Variants in MYO6 observed in about 807,000 individuals in gnomAD.
The protein encoded by MYO6 is myosin VI, also known as unconventional myosin-VI.
In MYO6, 74 loss-of-function variants were observed where a neutral mutation model predicts 178.7. The ratio of observed to expected loss-of-function variants is 0.41; its 90% CI spans 0.34 to 0.50. MYO6 has a LOEUF of 0.50. Among genes scored for constraint, MYO6 ranks in the 20% least tolerant of loss-of-function variants. MYO6 has a pLI of 0.09. For missense variants in MYO6, 1,330 were observed against 1,547.4 expected (o/e 0.86, Z 2.36); for synonymous variants, 477 against 504.6 (o/e 0.95, Z 0.73).
At chr6:75,798,742 C>T (rs922120846) in intron 1 of MYO6, among the ~76,000 whole-genome samples, 2 of 151,738 alleles carry the variant, frequency 1.3e-5, no homozygotes, top group Non-Finnish European at 2.9e-5. Flanking sequence ...CACTCTTATT[C>T]TGGAAGTCCT....
intron 1 of MYO6, among the ~76,000 whole-genome samples, chr6:75,754,017 G>A (rs1777127845): frequency 6.6e-6 from 1 of 152,136 alleles, no homozygotes; most frequent in Non-Finnish European, 1.5e-5. Flanking sequence ...AAGAAATCTG[G>A]CATCTTTAGA....
intron 1 of MYO6, among the ~76,000 whole-genome samples, chr6:75,757,456 CAG>C (rs2149973266): frequency 6.6e-6 from 1 of 151,014 alleles, no homozygotes; most frequent in South Asian, 2.1e-4. Context: ...TGACACATCA[CAG>C]AGGTGGGCGA....
chr6:75,777,444 T>C (rs573953764), intron 1 of MYO6, among the ~76,000 whole-genome samples: 9 of 152,086 alleles, frequency 5.9e-5, no homozygotes, highest in African/African-American at 1.9e-4. Flanking sequence ...TCTTTTTTTT[T>C]TGAAACAGGG....
intron 11 of MYO6, among the ~76,000 whole-genome samples, chr6:75,849,500 G>A (rs1170962368): frequency 3.3e-5 from 5 of 152,152 alleles, no homozygotes; most frequent in African/African-American, 1.2e-4. Context: ...GACTTTTAAA[G>A]TACAGCCAGT....
At chr6:75,898,248 A>G in intron 29 of MYO6, 125 bp from the exon 30 acceptor site, 1 of 623,568 alleles carries the variant, frequency 1.6e-6, no homozygotes, top group Non-Finnish European at 2.6e-6. Flanking sequence ...AACAAAGTAA[A>G]ACAGTTATGA....
chr6:75,848,127 G>A (rs905086907), intron 10 of MYO6, among the ~76,000 whole-genome samples: 12 of 151,814 alleles, frequency 7.9e-5, no homozygotes, highest in Non-Finnish European at 1.2e-4. Flanking sequence ...AAATTTTTAC[G>A]GATAAGTGTA....
At chr6:75,875,811 TCTC>T (rs963196436) in intron 20 of MYO6, among the ~76,000 whole-genome samples, 11 of 152,280 alleles carry the variant, frequency 7.2e-5, no homozygotes, top group Admixed American at 1.3e-4. Context: ...TCCTAAGTAT[TCTC>T]CTATCTCTTC....
intron 32 of MYO6, among the ~76,000 whole-genome samples, chr6:75,909,313 T>A (rs1348138598): frequency 6.6e-6 from 1 of 152,234 alleles, no homozygotes; most frequent in Non-Finnish European, 1.5e-5. Context: ...AGAATAGGGT[T>A]ATAGCCTGGA....
Position 75,841,204 on chromosome 6 carries a change from TG to T in MYO6, c.652-9del. The T allele has an allele frequency of 1.2e-6, 2 of 1,612,606 alleles. No individual in the cohort carries two copies. The highest frequency in any genetic ancestry group is 1.7e-6 in the Non-Finnish European group (2 of 1,179,026). On this transcript the variant is annotated splice_polypyrimidine_tract_variant and intron_variant, in intron 8 of 34. Coordinates refer to ENST00000369977, the MANE Select transcript of MYO6 (RefSeq NM_004999.4). ...GCAAAAATATATTTTCTCTGTGTTT[TG>T]TTTTTTAGAGCTCAGTTGTTGGAGG... is the stretch of plus-strand genomic sequence containing the variant.
intron 1 of MYO6, among the ~76,000 whole-genome samples, chr6:75,778,556 C>T (rs1206178179): frequency 2.0e-5 from 3 of 151,490 alleles, no homozygotes; most frequent in South Asian, 2.1e-4. Flanking sequence ...CAGTTAGTGC[C>T]GCTGCACTCC....
intron 1 of MYO6, among the ~76,000 whole-genome samples, chr6:75,796,454 A>C (rs1322823408): frequency 6.6e-6 from 1 of 151,940 alleles, no homozygotes; most frequent in Non-Finnish European, 1.5e-5. Context: ...TTTATTTTAG[A>C]TACAGGGGTA....
intron 33 of MYO6, among the ~76,000 whole-genome samples, chr6:75,912,173 G>T (rs992309437): frequency 6.6e-6 from 1 of 152,128 alleles, no homozygotes; most frequent in Non-Finnish European, 1.5e-5. Context: ...AATAGGAAGA[G>T]GAGATTATTC....
intron 1 of MYO6, among the ~76,000 whole-genome samples, chr6:75,799,341 G>A (rs1050758823): frequency 1.3e-5 from 2 of 150,166 alleles, no homozygotes; most frequent in Non-Finnish European, 3.0e-5. Flanking sequence ...AGTGATTCGC[G>A]ATCTTGCCAT....
rs1253928970 is a variant in MYO6, at chr6:75,787,675, A to AT, written c.-47-29824dup. Among the ~76,000 whole-genome samples the AT allele has an allele frequency of 4.5e-4, 31 of 68,610 alleles. 1 individual carries two copies. The highest frequency in any genetic ancestry group is 7.7e-4 in the Non-Finnish European group (28 of 36,148). 45.0% of individuals were successfully genotyped at this position (68,610 alleles called of 152,430 possible). A position where few individuals can be genotyped will look rare whatever the true frequency, so the allele number is the denominator to read the frequency against. Reference sequence around the variant, plus strand: ...TATATATATATGGGGGAATGGAACTATTCTCTCTCTCTCTCTCTCTCTCTC... The same window carrying AT: ...TATATATATATGGGGGAATGGAACTATTTCTCTCTCTCTCTCTCTCTCTCTC... On this transcript the variant is annotated intron_variant, in intron 1 of 34. Coordinates refer to ENST00000369977, the MANE Select transcript of MYO6 (RefSeq NM_004999.4).
At chr6:75,764,827 G>T (rs1054400791) in intron 1 of MYO6, among the ~76,000 whole-genome samples, 1 of 151,860 alleles carries the variant, frequency 6.6e-6, no homozygotes, top group African/African-American at 2.4e-5. Context: ...GTAAAACCCC[G>T]TCTCTACTAA....
intron 1 of MYO6, among the ~76,000 whole-genome samples, chr6:75,785,908 T>G (rs1767510904): frequency 6.6e-6 from 1 of 151,956 alleles, no homozygotes; most frequent in Non-Finnish European, 1.5e-5. Flanking sequence ...ATATATTTAT[T>G]TTTAAAATTA....
chr6:75,799,964 A>T (rs1769278877), intron 1 of MYO6, among the ~76,000 whole-genome samples: 1 of 152,098 alleles, frequency 6.6e-6, no homozygotes, highest in South Asian at 2.1e-4. Context: ...GGTAACTTTA[A>T]GACTTTAGGA....
chr6:75,798,099 T>C (rs555930708), intron 1 of MYO6, among the ~76,000 whole-genome samples: 1 of 152,298 alleles, frequency 6.6e-6, no homozygotes, highest in East Asian at 1.9e-4. Flanking sequence ...TTCTTCTAGA[T>C]TTTTATAGTT....
At chr6:75,783,204 A>C (rs1167387127) in intron 1 of MYO6, among the ~76,000 whole-genome samples, 1 of 152,158 alleles carries the variant, frequency 6.6e-6, no homozygotes, top group Non-Finnish European at 1.5e-5. Flanking sequence ...GGTATTAGCC[A>C]CTGAGCCTGG....
Sources: gnomAD v4.1 joint callset for allele counts (sites outside exome capture counted in the v4.1 genomes callset) on GRCh38, gnomAD v4.1.1 for gene constraint, MANE v1.5 for transcripts, NCBI Gene and HGNC (gene_info 2026-07-23, HGNC 2026-07-21) for gene names.